Variants in RBFOX1 observed in about 807,000 individuals in gnomAD.
The protein encoded by RBFOX1 is RNA binding fox-1 homolog 1.
A neutral mutation model predicts 57.7 loss-of-function variants in RBFOX1; 8 were observed. The ratio of observed to expected loss-of-function variants is 0.14; its 90% CI spans 0.08 to 0.25. RBFOX1 has a LOEUF of 0.25. Among genes scored for constraint, RBFOX1 ranks in the 10% least tolerant of loss-of-function variants. The pLI is 1.00. For synonymous variants in RBFOX1, 326 were observed against 222.4 expected, an observed-to-expected ratio of 1.47 and a Z score of -4.15; for missense variants, 611 against 548.5, an observed-to-expected ratio of 1.11 and a Z score of -1.14.
chr16:5,655,814 C>T (rs1173933286), intron 3 of RBFOX1, among the ~76,000 whole-genome samples: 1 of 152,208 alleles, frequency 6.6e-6, no homozygotes, highest in Non-Finnish European at 1.5e-5. Flanking sequence ...GGAGGAGGTG[C>T]TGTTGAAGCC....
intron 4 of RBFOX1, among the ~76,000 whole-genome samples, chr16:7,504,741 A>ATATATATATATATATATATT (rs2072391404): frequency 2.9e-4 from 3 of 10,274 alleles, no homozygotes; most frequent in African/African-American, 8.7e-4. Flanking sequence ...ATATATATAT[A>ATATATATATATATATATATT]TATATATATA....
At chr16:7,677,803 G>A (rs2073779280) in intron 14 of RBFOX1, among the ~76,000 whole-genome samples, 1 of 152,092 alleles carries the variant, frequency 6.6e-6, no homozygotes. Context: ...TGTGTGGCTG[G>A]GGCATGCTGG....
At chr16:7,068,830 C>T (rs879627274) in intron 4 of RBFOX1, among the ~76,000 whole-genome samples, 1 of 152,202 alleles carries the variant, frequency 6.6e-6, no homozygotes, top group Non-Finnish European at 1.5e-5. Flanking sequence ...CTCAAGTGGT[C>T]CACCTGCCAT....
At chr16:6,463,547 A>C (rs1391358585) in intron 2 of RBFOX1, among the ~76,000 whole-genome samples, 2 of 152,114 alleles carry the variant, frequency 1.3e-5, no homozygotes, top group Non-Finnish European at 2.9e-5. Context: ...TAAGTGGCAG[A>C]AATCTGACCC....
intron 2 of RBFOX1, among the ~76,000 whole-genome samples, chr16:6,545,469 T>G (rs1281271297): frequency 1.3e-5 from 2 of 152,158 alleles, no homozygotes; most frequent in Admixed American, 6.5e-5. Context: ...TGTTGCAGCC[T>G]TGGAGACGTG....
At chr16:6,346,673 T>G (rs2085426913) in intron 2 of RBFOX1, among the ~76,000 whole-genome samples, 1 of 152,220 alleles carries the variant, frequency 6.6e-6, no homozygotes, top group African/African-American at 2.4e-5. Context: ...ATTTAATTTG[T>G]CTATAGTTTT....
At chr16:7,087,250 G>C (rs1172091547) in intron 4 of RBFOX1, among the ~76,000 whole-genome samples, 1 of 152,168 alleles carries the variant, frequency 6.6e-6, no homozygotes, top group Admixed American at 6.5e-5. Context: ...GCCTCCCAGA[G>C]TCACCGGCTC....
intron 4 of RBFOX1, among the ~76,000 whole-genome samples, chr16:7,353,046 C>T (rs2097155723): frequency 1.3e-5 from 2 of 152,106 alleles, no homozygotes; most frequent in South Asian, 2.1e-4. Flanking sequence ...CTTCAGGTTA[C>T]AGGTTTGTGC....
In RBFOX1 at chr16:5,879,889, T is replaced by G. The variant is rs570694257; in HGVS notation, c.351+12554T>G. On this transcript the variant is annotated intron_variant, in intron 4 of 19. Coordinates refer to the RBFOX1 transcript ENST00000641259. ...GGAAACGGGGAATCTCTCTTGACCT[T>G]TTCATTGCCTTAGCGCAGAGATGGC... Among the ~76,000 whole-genome samples, 90 of 152,278 alleles carry G rather than the reference T, an allele frequency of 5.9e-4. 1 individual carries two copies. Among genetic ancestry groups the G allele is most frequent in the African/African-American group, 2.1e-3 (88 of 41,572 alleles).
At chr16:5,843,029 A>G (rs751745250) in intron 3 of RBFOX1, among the ~76,000 whole-genome samples, 83 of 151,926 alleles carry the variant, frequency 5.5e-4, no homozygotes, top group Non-Finnish European at 9.7e-4. Flanking sequence ...GGGTTTCACC[A>G]TGTTGGCCAG....
At chr16:6,117,578 G>C (rs1260844655) in intron 1 of RBFOX1, among the ~76,000 whole-genome samples, 1 of 152,244 alleles carries the variant, frequency 6.6e-6, no homozygotes, top group Non-Finnish European at 1.5e-5. Flanking sequence ...GGCTCTCTTG[G>C]CCTTCTGCCT....
At chr16:7,626,446 G>C (rs937324628) in intron 10 of RBFOX1, among the ~76,000 whole-genome samples, 4 of 152,210 alleles carry the variant, frequency 2.6e-5, no homozygotes, top group Non-Finnish European at 5.9e-5. Context: ...ATCTTGCCAG[G>C]TTGTGGGGAT....
At chr16:5,479,265 A>G (rs2069437684) in intron 2 of RBFOX1, among the ~76,000 whole-genome samples, 1 of 152,156 alleles carries the variant, frequency 6.6e-6, no homozygotes, top group South Asian at 2.1e-4. Context: ...GTTGCCAATC[A>G]GATGACATGT....
Position 6,845,833 on chromosome 16 carries a change from C to T in RBFOX1, c.-16+191183C>T, listed in dbSNP as rs1024919712. On this transcript the variant is annotated intron_variant, in intron 3 of 15. Coordinates refer to ENST00000550418, the MANE Select transcript of RBFOX1 (RefSeq NM_018723.4). The stretch of plus-strand genomic sequence containing the variant: ...GAGACTTTGTACCTCTTCCTTACCC[C>T]TCTTGGGATAATCTCAGTCCCACTT... Among the ~76,000 whole-genome samples the T allele has an allele frequency of 6.6e-5, 10 of 152,212 alleles. 1 individual carries two copies. In the East Asian group the frequency reaches 1.3e-3, roughly 21 times the overall value.
At chr16:6,503,843 C>A (rs1389655404) in intron 2 of RBFOX1, among the ~76,000 whole-genome samples, 1 of 152,124 alleles carries the variant, frequency 6.6e-6, no homozygotes, top group Non-Finnish European at 1.5e-5. Flanking sequence ...AAGTTTGTGG[C>A]CATTGTTTGC....
chr16:7,082,176 A>G (rs2059303179), intron 4 of RBFOX1, among the ~76,000 whole-genome samples: 1 of 152,096 alleles, frequency 6.6e-6, no homozygotes, highest in Non-Finnish European at 1.5e-5. Context: ...CTGGTTGGAT[A>G]TTTTAGCTAC....
At chr16:6,258,113 A>G (rs1387502677) in intron 1 of RBFOX1, among the ~76,000 whole-genome samples, 1 of 152,126 alleles carries the variant, frequency 6.6e-6, no homozygotes. Flanking sequence ...CCCTTATCCC[A>G]TCATCTTTTG....
chr16:5,779,733 G>C (rs1392760755), intron 3 of RBFOX1, among the ~76,000 whole-genome samples: 1 of 152,180 alleles, frequency 6.6e-6, no homozygotes, highest in Admixed American at 6.5e-5. Context: ...GTATTGCCCT[G>C]ATATTTGGCC....
At chr16:7,275,166 G>A (rs4644876) in intron 4 of RBFOX1, among the ~76,000 whole-genome samples, 4,118 of 152,084 alleles carry the variant, frequency 0.027, 97 homozygotes, top group East Asian at 0.13. Context: ...AGAAAGAAGG[G>A]ATAGAGGGAG....
Sources: allele counts gnomAD v4.1 joint callset (sites outside exome capture counted in the v4.1 genomes callset), GRCh38; gene constraint gnomAD v4.1.1; transcripts MANE v1.5; gene names NCBI Gene and HGNC (gene_info 2026-07-23, HGNC 2026-07-21).